OR1J2: variants seen among roughly 807,000 people sequenced by gnomAD.
OR1J2 encodes the protein olfactory receptor family 1 subfamily J member 2.
For missense variants in OR1J2, 304 were observed against 246.1 expected (o/e 1.24, Z -1.57); for synonymous variants, 142 against 99.7 (o/e 1.42, Z -2.52).
chr9:122,518,410 G>C, the OR1J2 span, among the ~76,000 whole-genome samples: 3 of 152,218 alleles, frequency 2.0e-5, no homozygotes, highest in Admixed American at 2.0e-4. Context: ...TTTGGTTTCT[G>C]GTGCGGGTCC....
At chr9:122,466,568 C>A in the OR1J2 span, among the ~76,000 whole-genome samples, 1 of 152,176 alleles carries the variant, frequency 6.6e-6, no homozygotes. Context: ...CACTAACATT[C>A]GTAATGTTAC....
chr9:122,534,027 G>A, the OR1J2 span, among the ~76,000 whole-genome samples: 2 of 152,208 alleles, frequency 1.3e-5, no homozygotes, highest in Non-Finnish European at 2.9e-5. Context: ...GCACAGATGG[G>A]ATGCAGCTTA....
chr9:122,540,813 C>T, the OR1J2 span, among the ~76,000 whole-genome samples: 1 of 152,146 alleles, frequency 6.6e-6, no homozygotes, highest in Non-Finnish European at 1.5e-5. Flanking sequence ...TTGTAGCTCT[C>T]CTTGAAGAGG....
At chr9:122,492,171 A>G in the OR1J2 span, among the ~76,000 whole-genome samples, 1 of 152,000 alleles carries the variant, frequency 6.6e-6, no homozygotes, top group Admixed American at 6.6e-5. Flanking sequence ...CTTCTTTAAC[A>G]GTTCCCAGTG....
At position 122,511,142 on chromosome 9, in the gene OR1J2, T is replaced by G. The variant is rs1369128436; in HGVS notation, c.341T>G (p.Leu114Arg). The change falls in exon 1 of 1, where the codon CTT becomes CGT. Residue 114 changes from leucine to arginine, a missense_variant. Leu to Arg is a moderately radical substitution (Grantham distance 102). Transcript: ENST00000335302. ...FIFFTDLDSF[L>R]ITSMAYDRYV... ...TTTTTTACTGACCTGGACAGCTTCC[T>G]TATTACATCAATGGCATATGACCGA... is the stretch of plus-strand genomic sequence containing the variant. 5.1e-6 allele frequency: 4 copies of G among 778,098 alleles called. No homozygotes were observed. The highest frequency in any genetic ancestry group is 8.9e-6 in the Non-Finnish European group (4 of 448,502). The allele number at this position is 778,098 out of a possible 1,614,324, so 48.2% of individuals were successfully genotyped here.
chr9:122,520,049 A>C, the OR1J2 span: 1 of 1,613,322 alleles, frequency 6.2e-7, no homozygotes. Flanking sequence ...CCCTGGAGAG[A>C]CTCTTCAACA....
chr9:122,505,536 G>A, the OR1J2 span, among the ~76,000 whole-genome samples: 1 of 152,182 alleles, frequency 6.6e-6, no homozygotes, highest in African/African-American at 2.4e-5. Context: ...TTTAACATGA[G>A]TTTTGAAGGG....
At chr9:122,523,038 C>T in the OR1J2 span, among the ~76,000 whole-genome samples, 14 of 152,048 alleles carry the variant, frequency 9.2e-5, no homozygotes, top group African/African-American at 1.2e-4. Context: ...GGCTTAGAGA[C>T]GATGAAATAC....
At position 122,511,180 on chromosome 9, in the gene OR1J2, T is replaced by C; in HGVS notation, c.379T>C (p.Cys127Arg). ...GGCATATGACCGATATGTTGCCATA[T>C]GTCACCCTCTCCACTACACTGTCAT... ...SMAYDRYVAICHPLHYTVIMR... is the reference protein window; with the variant it reads ...SMAYDRYVAIRHPLHYTVIMR... The change falls in exon 1 of 1, where the codon TGT becomes CGT. Residue 127 changes from cysteine (C) to arginine (R), a missense_variant. Physicochemically the swap from Cys to Arg is radical, Grantham distance 180. Transcript: ENST00000335302. The C allele has an allele frequency of 1.4e-6, 1 of 719,220 alleles. No individual in the cohort carries two copies. The highest frequency in any genetic ancestry group is 2.6e-6 in the Non-Finnish European group (1 of 391,572). 44.6% of individuals were successfully genotyped at this position (719,220 alleles called of 1,614,324 possible). A position where few individuals can be genotyped will look rare whatever the true frequency, so the allele number is the denominator to read the frequency against.
chr9:122,526,814 G>A, the OR1J2 span: 1 of 1,614,010 alleles, frequency 6.2e-7, no homozygotes, highest in East Asian at 2.2e-5. Context: ...ACCGAGCCAT[G>A]AGGAACGTGT....
At chr9:122,561,401 T>G in the OR1J2 span, among the ~76,000 whole-genome samples, 1 of 152,188 alleles carries the variant, frequency 6.6e-6, no homozygotes, top group Non-Finnish European at 1.5e-5. Flanking sequence ...TTGTGATCAT[T>G]TGGAGGAGAA....
the OR1J2 span, among the ~76,000 whole-genome samples, chr9:122,466,334 A>G: frequency 6.6e-6 from 1 of 152,200 alleles, no homozygotes; most frequent in Non-Finnish European, 1.5e-5. Context: ...CCAGATTACG[A>G]CTATTACAGT....
At chr9:122,519,191 C>G in the OR1J2 span, 1 of 1,613,656 alleles carries the variant, frequency 6.2e-7, no homozygotes, top group Non-Finnish European at 8.5e-7. Context: ...TCCTGGACCT[C>G]CCCATCTGGC....
the OR1J2 span, among the ~76,000 whole-genome samples, chr9:122,544,546 T>C: frequency 1.1e-3 from 168 of 149,762 alleles, no homozygotes; most frequent in African/African-American, 4.0e-3. Context: ...TCACCCTCCC[T>C]AGTAGCTGGG....
At chr9:122,510,699 C>T, upstream of OR1J2, 1 of 727,988 alleles carries the variant, frequency 1.4e-6, no homozygotes. Context: ...CTCCCTGTGT[C>T]TATGTTAAAA....
the OR1J2 span, among the ~76,000 whole-genome samples, chr9:122,487,458 A>AACACACAC: frequency 0.097 from 14,467 of 148,974 alleles, 911 homozygotes; most frequent in African/African-American, 0.18. Context: ...GGAGATGATT[A>AACACACAC]ACACACACAC....
At chr9:122,551,819 T>C in the OR1J2 span, among the ~76,000 whole-genome samples, 1 of 152,124 alleles carries the variant, frequency 6.6e-6, no homozygotes, top group East Asian at 1.9e-4. Context: ...TATTCCTGTC[T>C]TCTTATGCCC....
the OR1J2 span, among the ~76,000 whole-genome samples, chr9:122,557,002 A>G: frequency 2.6e-5 from 4 of 152,104 alleles, no homozygotes; most frequent in Non-Finnish European, 4.4e-5. Context: ...TGCTAGTGTA[A>G]ATGGTGTTGT....
At chr9:122,547,977 G>A in the OR1J2 span, among the ~76,000 whole-genome samples, 3,800 of 152,068 alleles carry the variant, frequency 0.025, 275 homozygotes, top group East Asian at 0.29. Context: ...TTTTACAATA[G>A]CCATTCTGAC....
Sources: allele counts gnomAD v4.1 joint callset (sites outside exome capture counted in the v4.1 genomes callset), GRCh38; gene constraint gnomAD v4.1.1; transcripts MANE v1.5; gene names NCBI Gene and HGNC (gene_info 2026-07-23, HGNC 2026-07-21).